MCEE: variants seen among roughly 807,000 people sequenced by gnomAD.
MCEE encodes the protein methylmalonyl-CoA epimerase, mitochondrial.
Under a neutral mutation model 12.9 loss-of-function variants are expected in MCEE, and 6 were observed. That is an observed-to-expected ratio of 0.47 (90% CI 0.26 to 0.92). The LOEUF is 0.92. MCEE is among the 40% of genes least tolerant of loss of function. The probability of loss-of-function intolerance (pLI) is 0.16; values close to 1 mark genes in which losing one functional copy is unlikely to be tolerated. For synonymous variants in MCEE, 78 were observed against 77.9 expected (o/e 1.00, Z -0.01); for missense variants, 214 against 212.1 (o/e 1.01, Z -0.05).
rs1419715466 is a variant in MCEE at position 71,124,255 on chromosome 2, C to T, written c.329G>A (p.Gly110Asp). ...TCCAGCCTTGTTTTTCTGCAGAAAACCTGCAATTGGACTGTCACGTCCCAA... is the reference window on the plus strand; with the variant it reads ...TCCAGCCTTGTTTTTCTGCAGAAAATCTGCAATTGGACTGTCACGTCCCAA... ...HPLGRDSPIAGFLQKNKAGGM... is the reference protein window; with the variant it reads ...HPLGRDSPIADFLQKNKAGGM... Residue 110 changes from glycine (G) to aspartate (D), a missense_variant, in exon 2 of 3, where the codon GGT becomes GAT. Gly to Asp is a moderately conservative substitution (Grantham distance 94, BLOSUM62 -1). Transcript: ENST00000244217. The T allele has an allele frequency of 2.5e-6, 4 of 1,613,988 alleles. No homozygotes were observed. In the South Asian group the frequency reaches 4.4e-5, roughly 18 times the overall value.
chr2:71,113,118 T>C (rs575759038), intron 2 of MCEE, among the ~76,000 whole-genome samples: 11 of 152,292 alleles, frequency 7.2e-5, no homozygotes, highest in Non-Finnish European at 5.9e-5. Context: ...ACGAAGTAGA[T>C]GGATGGCTGA....
chr2:71,128,466 G>A (rs1326082601), intron 1 of MCEE, among the ~76,000 whole-genome samples: 2 of 152,026 alleles, frequency 1.3e-5, no homozygotes, highest in African/African-American at 4.8e-5. Flanking sequence ...TCTATCAAGA[G>A]ACGAATGGAT....
intron 2 of MCEE, among the ~76,000 whole-genome samples, chr2:71,115,526 T>C (rs1327176036): frequency 2.0e-5 from 3 of 149,238 alleles, no homozygotes; most frequent in East Asian, 1.9e-4. Context: ...ATGATTCTTT[T>C]AAGAGTACTC....
chr2:71,124,527 A>T lies in MCEE; in HGVS notation c.57T>A (p.Leu19=). Residue 19 remains leucine (L), a synonymous_variant, in exon 2 of 3, where the codon CTT becomes CTA. Coordinates refer to ENST00000244217, the MANE Select transcript of MCEE (RefSeq NM_032601.4). ...CTCTTACTGTTGGAATGGGAGCTTG[A>T]AGTCTGGAAAAAAGCCCTGAAAAAT... The part of the protein sequence containing the change: ...AANAVGLFSR[L]QAPIPTVRAS... The T allele has an allele frequency of 6.2e-7, 1 of 1,613,912 alleles. No homozygotes were observed. Among genetic ancestry groups the T allele is most frequent in the Non-Finnish European group, 8.5e-7 (1 of 1,179,990 alleles).
At chr2:71,120,298 TCTC>T (rs1673073873) in intron 2 of MCEE, among the ~76,000 whole-genome samples, 5 of 149,898 alleles carry the variant, frequency 3.3e-5, no homozygotes, top group Admixed American at 3.3e-4. Flanking sequence ...GCCAGCTTTG[TCTC>T]CTCAAGCAGA....
chr2:71,118,834 T>G (rs6740268), intron 2 of MCEE, among the ~76,000 whole-genome samples: 28,235 of 149,488 alleles, frequency 0.19, 3,638 homozygotes, highest in African/African-American at 0.25. Flanking sequence ...CCCTCCTCAC[T>G]CTGACACTGC....
intron 1 of MCEE, among the ~76,000 whole-genome samples, chr2:71,127,077 T>G (rs748074944): frequency 6.6e-6 from 1 of 152,232 alleles, no homozygotes; most frequent in Admixed American, 6.5e-5. Context: ...TAAAACCATG[T>G]GCAAATAAAT....
intron 2 of MCEE, chr2:71,110,951 AAAAAC>A (rs1379511100): frequency 6.6e-6 from 1 of 152,214 alleles, no homozygotes; most frequent in East Asian, 1.9e-4. Context: ...TTTAATTAAA[AAAAAC>A]ACACAAAAGC....
chr2:71,128,530 A>AT (rs11442586), intron 1 of MCEE, among the ~76,000 whole-genome samples: 102,368 of 147,966 alleles, frequency 0.69, 35,515 homozygotes, highest in Middle Eastern at 0.78. Flanking sequence ...TTAAAAAGCA[A>AT]TTTTTTTTTT....
rs1673170014 is a variant in MCEE at position 71,124,324 on chromosome 2, A to G, written c.260T>C (p.Val87Ala). The G allele has an allele frequency of 6.2e-7, 1 of 1,614,208 alleles. No individual in the cohort carries two copies. The change falls in exon 2 of 3, where the codon GTT (valine) becomes GCT (alanine). Residue 87 changes from valine (V) to alanine (A), a missense_variant. Transcript: ENST00000244217. ...CTTGGTATTTCCCAGGTTGACAAAAACAACAGATACTCCATGTTCAGGAAG... is the reference window on the plus strand; with the variant it reads ...CTTGGTATTTCCCAGGTTGACAAAAGCAACAGATACTCCATGTTCAGGAAG... ...VPLPEHGVSVVFVNLGNTKME... is the reference protein window; with the variant it reads ...VPLPEHGVSVAFVNLGNTKME...
intron 1 of MCEE, among the ~76,000 whole-genome samples, chr2:71,128,947 T>G (rs1483798963): frequency 6.8e-6 from 1 of 147,770 alleles, no homozygotes. Flanking sequence ...CTAACGCCAC[T>G]GCACTCCAGC....
At chr2:71,124,146 G>A (rs1673164758) in intron 2 of MCEE, 60 bp downstream of exon 2, 1 of 1,297,858 alleles carries the variant, frequency 7.7e-7, no homozygotes, top group Non-Finnish European at 1.1e-6. Context: ...GACTTAAAAA[G>A]TAGAAGACAT....
chr2:71,117,553 TTC>T (rs1673018893), intron 2 of MCEE: 1 of 150,408 alleles, frequency 6.6e-6, no homozygotes, highest in African/African-American at 2.5e-5. Flanking sequence ...TATAAATTTT[TTC>T]TTTCCTAAGG....
rs1449400615 is a variant in MCEE, at chr2:71,125,209, A to ATTTTTTTTTT, written c.41-667_41-666insAAAAAAAAAA. On this transcript the variant is annotated intron_variant, in intron 1 of 2. Coordinates refer to ENST00000244217, the MANE Select transcript of MCEE (RefSeq NM_032601.4). The stretch of plus-strand genomic sequence containing the variant: ...TATAAATATATATATATATATATAT[A>ATTTTTTTTTT]TATTTTTTTTTTTTTTTGAGACGGA... 6.6e-3 allele frequency among the ~76,000 whole-genome samples: 318 copies of ATTTTTTTTTT among 48,104 alleles called. 3 individuals carry two copies. The highest frequency in any genetic ancestry group is 0.012 in the Non-Finnish European group (243 of 20,514). 31.6% of individuals were successfully genotyped at this position (48,104 alleles called of 152,430 possible).
At position 71,112,285 on chromosome 2, in the gene MCEE, C is replaced by T. The variant is rs181490457; in HGVS notation, c.379-2163G>A. 6.2e-4 allele frequency among the ~76,000 whole-genome samples: 94 copies of T among 150,730 alleles called. 2 individuals carry two copies. In the East Asian group the frequency reaches 0.018, roughly 28 times the overall value. ...CAGAGTAGCTGGGACTACAGGCACACGCCACCATGCCCAGCTAATTTTTAT... is the reference window on the plus strand; with the variant it reads ...CAGAGTAGCTGGGACTACAGGCACATGCCACCATGCCCAGCTAATTTTTAT... On this transcript the variant is annotated intron_variant, in intron 2 of 2. Transcript: ENST00000244217.
At chr2:71,125,333 C>T (rs766768617) in intron 1 of MCEE, among the ~76,000 whole-genome samples, 3 of 150,624 alleles carry the variant, frequency 2.0e-5, no homozygotes, top group East Asian at 2.0e-4. Flanking sequence ...CTCAGCCTCC[C>T]GAGTAGCTGG....
intron 2 of MCEE, among the ~76,000 whole-genome samples, chr2:71,112,885 T>TC (rs1216319494): frequency 6.6e-6 from 1 of 152,250 alleles, no homozygotes; most frequent in Admixed American, 6.5e-5. Context: ...TTTCTGGGAC[T>TC]CCAACTATAT....
intron 1 of MCEE, chr2:71,129,862 T>C (rs1673330586): frequency 2.0e-6 from 1 of 493,276 alleles, no homozygotes; most frequent in Admixed American, 3.3e-5. Context: ...TCCGCTTCTA[T>C]TTACTTCTGT....
At position 71,124,239 on chromosome 2, in the gene MCEE, G is replaced by T. The variant is rs548542949; in HGVS notation, c.345C>A (p.Asn115Lys). ...DSPIAGFLQKNKAGGMHHICI... is the reference protein window; with the variant it reads ...DSPIAGFLQKKKAGGMHHICI... ...AGATGTGATGCATTCCTCCAGCCTTGTTTTTCTGCAGAAAACCTGCAATTG... is the reference window on the plus strand; with the variant it reads ...AGATGTGATGCATTCCTCCAGCCTTTTTTTTCTGCAGAAAACCTGCAATTG... The change falls in exon 2 of 3, where the codon AAC becomes AAA. Residue 115 changes from asparagine to lysine, a missense_variant. Asn to Lys is a moderately conservative substitution (Grantham distance 94). Coordinates refer to ENST00000244217, the MANE Select transcript of MCEE (RefSeq NM_032601.4). 3.5e-5 allele frequency: 56 copies of T among 1,613,886 alleles called. 1 individual carries two copies. The South Asian group carries it at 5.1e-4, about 15-fold the overall frequency.
Sources: allele counts gnomAD v4.1 joint callset (sites outside exome capture counted in the v4.1 genomes callset), GRCh38; gene constraint gnomAD v4.1.1; transcripts MANE v1.5; gene names NCBI Gene and HGNC (gene_info 2026-07-23, HGNC 2026-07-21).